The following DCUN1D4 variants were observed in gnomAD, a reference collection of about 807,000 sequenced individuals.
DCUN1D4 encodes defective in cullin neddylation 1 domain containing 4, also known as DCN1-like protein 4.
In DCUN1D4, 22 loss-of-function variants were observed where a neutral mutation model predicts 47.9. The ratio of observed to expected loss-of-function variants is 0.46; its 90% CI spans 0.33 to 0.66. DCUN1D4 has a LOEUF of 0.66. Ranked by LOEUF, DCUN1D4 falls within the 30% of genes least tolerant of loss-of-function variation. DCUN1D4 has a pLI of 0.02. For missense variants in DCUN1D4, 301 were observed against 340.8 expected (o/e 0.88, Z 0.92); for synonymous variants, 121 against 112.2 (o/e 1.08, Z -0.50).
chr4:51,911,009 A>G, intron 8 of DCUN1D4, 61 bp from the exon 9 acceptor site: 1 of 1,486,676 alleles, frequency 6.7e-7, no homozygotes. Context: ...ACACATTTGC[A>G]ATTATTGGAA....
intron 6 of DCUN1D4, among the ~76,000 whole-genome samples, chr4:51,888,016 C>T (rs747783844): frequency 2.0e-5 from 3 of 151,724 alleles, no homozygotes; most frequent in South Asian, 4.2e-4. Flanking sequence ...CAGACTGGGC[C>T]GTAGACACAA....
intron 3 of DCUN1D4, among the ~76,000 whole-genome samples, chr4:51,869,720 C>T (rs1726572813): frequency 1.3e-5 from 2 of 152,100 alleles, no homozygotes; most frequent in Admixed American, 1.3e-4. Context: ...GGCCTTTAGT[C>T]TGAACCAGGT....
chr4:51,870,436 A>G lies in DCUN1D4; in HGVS notation c.137-3835A>G, dbSNP rs1023712228. Among the ~76,000 whole-genome samples the G allele has an allele frequency of 8.9e-4, 136 of 152,322 alleles. 1 individual carries two copies. Among genetic ancestry groups the G allele is most frequent in the Non-Finnish European group, 8.8e-5 (6 of 68,018 alleles). ...AAGTTAACTGTTTGTTTTAGTGACA[A>G]ATGGGGAAAAAATCTGAAATGATGG... On this transcript the variant is annotated intron_variant, in intron 3 of 10. Coordinates refer to ENST00000334635, the MANE Select transcript of DCUN1D4 (RefSeq NM_001040402.3).
intron 6 of DCUN1D4, among the ~76,000 whole-genome samples, chr4:51,890,842 G>A (rs1730311577): frequency 6.6e-6 from 1 of 152,236 alleles, no homozygotes; most frequent in Admixed American, 6.5e-5. Flanking sequence ...CTCACCATCA[G>A]TTCCCTGTGC....
chr4:51,902,801 C>CT (rs950050447), intron 8 of DCUN1D4, among the ~76,000 whole-genome samples: 1 of 151,928 alleles, frequency 6.6e-6, no homozygotes, highest in Non-Finnish European at 1.5e-5. Context: ...TTTTTTGTTC[C>CT]TTTTTTCCTC....
chr4:51,894,011 G>C (rs765818376), intron 7 of DCUN1D4, among the ~76,000 whole-genome samples: 25 of 152,144 alleles, frequency 1.6e-4, no homozygotes, highest in Non-Finnish European at 2.9e-4. Context: ...GAAGAGGTCT[G>C]CGTCTGCGTT....
intron 8 of DCUN1D4, among the ~76,000 whole-genome samples, chr4:51,904,775 G>A (rs1240162872): frequency 2.6e-5 from 4 of 152,150 alleles, no homozygotes; most frequent in Non-Finnish European, 5.9e-5. Flanking sequence ...TTGGTTGGAA[G>A]AAGAACTCAA....
intron 6 of DCUN1D4, among the ~76,000 whole-genome samples, chr4:51,890,221 C>T (rs1730201734): frequency 6.6e-6 from 1 of 152,126 alleles, no homozygotes; most frequent in Non-Finnish European, 1.5e-5. Flanking sequence ...GACATGTTGG[C>T]TCTCGGAGGC....
At chr4:51,860,677 C>T (rs927706676) in intron 1 of DCUN1D4, 4 of 453,744 alleles carry the variant, frequency 8.8e-6, no homozygotes, top group African/African-American at 8.0e-5. Flanking sequence ...AGAGGAGGTG[C>T]CACACACTTT....
chr4:51,870,423 T>C (rs1297330994), intron 3 of DCUN1D4, among the ~76,000 whole-genome samples: 2 of 152,198 alleles, frequency 1.3e-5, no homozygotes, highest in Admixed American at 6.5e-5. Flanking sequence ...GTTAACTGTT[T>C]GTTTTAGTGA....
rs1430516602 is a variant in DCUN1D4 at position 51,886,553 on chromosome 4, G to A, written c.344-15G>A. On this transcript the variant is annotated splice_polypyrimidine_tract_variant and intron_variant, in intron 5 of 10. Coordinates refer to ENST00000334635, the MANE Select transcript of DCUN1D4 (RefSeq NM_001040402.3). ...GCATGGTCAGATTTAATTTACATAA[G>A]ACTGTATTTCACAGGAACTGATGAT... 3 of 1,611,918 alleles carry A rather than the reference G, an allele frequency of 1.9e-6. No individual in the cohort carries two copies. The highest frequency in any genetic ancestry group is 1.7e-5 in the Admixed American group (1 of 59,978).
At position 51,877,952 on chromosome 4, in the gene DCUN1D4, T is replaced by C. The variant is rs575824881; in HGVS notation, c.343+98T>C. ...TTTAAAAATGTGTACATTTCAAATT[T>C]GGGTGTGTGTGTGTGTGTGTCCCTG... On this transcript the variant is annotated intron_variant, in intron 5 of 10. Coordinates refer to ENST00000334635, the MANE Select transcript of DCUN1D4 (RefSeq NM_001040402.3). The C allele has an allele frequency of 1.5e-4, 122 of 794,492 alleles. 2 individuals are homozygous for C. The South Asian group carries it at 2.3e-3, about 15-fold the overall frequency. 49.2% of individuals were successfully genotyped at this position (794,492 alleles called of 1,614,324 possible).
intron 7 of DCUN1D4, among the ~76,000 whole-genome samples, chr4:51,893,448 C>T (rs778014964): frequency 8.0e-5 from 12 of 149,714 alleles, no homozygotes; most frequent in Non-Finnish European, 1.3e-4. Flanking sequence ...TTTTTTGAGA[C>T]GGAATGTCCC....
intron 1 of DCUN1D4, chr4:51,848,139 A>G (rs548252025): frequency 1.6e-6 from 2 of 1,224,444 alleles, no homozygotes; most frequent in East Asian, 1.1e-4. Context: ...TCACCTACTC[A>G]TTCTTTGCAT....
intron 5 of DCUN1D4, among the ~76,000 whole-genome samples, chr4:51,882,117 A>ATTATACT (rs1728737057): frequency 6.5e-4 from 1 of 1,532 alleles, no homozygotes; most frequent in Non-Finnish European, 1.2e-3. Context: ...GCCATTGCAA[A>ATTATACT]TTAAAATCTT....
intron 6 of DCUN1D4, among the ~76,000 whole-genome samples, chr4:51,887,939 G>A (rs1272121868): frequency 6.8e-6 from 1 of 148,040 alleles, no homozygotes; most frequent in Non-Finnish European, 1.5e-5. Flanking sequence ...TCCAGTTCAG[G>A]TATTTCAATA....
At chr4:51,843,490 G>T (rs888643925) in intron 1 of DCUN1D4, 2 of 1,276,906 alleles carry the variant, frequency 1.6e-6, no homozygotes, top group African/African-American at 3.1e-5. Flanking sequence ...CGGGGAGGGC[G>T]GAGGTGAGGG....
chr4:51,871,638 A>G (rs1300765286), intron 3 of DCUN1D4, among the ~76,000 whole-genome samples: 2 of 152,324 alleles, frequency 1.3e-5, no homozygotes, highest in East Asian at 3.9e-4. Flanking sequence ...TCCTGCATAT[A>G]CATCTAAGGA....
At chr4:51,841,298 C>T (rs1330821973), upstream of DCUN1D4, among the ~76,000 whole-genome samples, 4 of 151,886 alleles carry the variant, frequency 2.6e-5, no homozygotes, top group African/African-American at 9.7e-5. Flanking sequence ...TATTAAATGA[C>T]ATATAATTTA....
Sources: allele counts gnomAD v4.1 joint callset (sites outside exome capture counted in the v4.1 genomes callset), GRCh38; gene constraint gnomAD v4.1.1; transcripts MANE v1.5; gene names NCBI Gene and HGNC (gene_info 2026-07-23, HGNC 2026-07-21).